Variants in HPS5 observed in about 807,000 individuals in gnomAD.
The protein encoded by HPS5 is BLOC-2 complex member HPS5.
In HPS5, 83 loss-of-function variants were observed where a neutral mutation model predicts 128.0. That is an observed-to-expected ratio of 0.65 (90% confidence interval 0.54 to 0.78). HPS5 has a LOEUF of 0.78. Among genes scored for constraint, HPS5 ranks in the 30% least tolerant of loss-of-function variants. The pLI is 0.00. For missense variants in HPS5, 1,281 were observed against 1,326.2 expected, an observed-to-expected ratio of 0.97 and a Z score of 0.53; for synonymous variants, 475 against 470.2, an observed-to-expected ratio of 1.01 and a Z score of -0.13.
intron 15 of HPS5, 103 bp downstream of exon 15, chr11:18,292,794 CTA>C (rs1251966679): frequency 2.3e-6 from 2 of 872,090 alleles, no homozygotes; most frequent in African/African-American, 1.7e-5. Flanking sequence ...CTCTAATCAA[CTA>C]TATATTTCAT....
At chr11:18,290,742 G>C (rs967516552) in intron 16 of HPS5, among the ~76,000 whole-genome samples, 1 of 152,084 alleles carries the variant, frequency 6.6e-6, no homozygotes, top group Non-Finnish European at 1.5e-5. Flanking sequence ...GGGCAACACA[G>C]TAAGACCCCA....
intron 2 of HPS5, 106 bp downstream of exon 2, chr11:18,317,645 G>T: frequency 9.2e-7 from 1 of 1,085,474 alleles, no homozygotes; most frequent in East Asian, 2.5e-5. Flanking sequence ...GACTAGGACA[G>T]GTAAGAACAC....
rs569898655 is a variant in HPS5 at position 18,294,955 on chromosome 11, T to C, written c.1784+65A>G. The C allele has an allele frequency of 5.5e-5, 87 of 1,588,152 alleles. No homozygotes were observed. In the East Asian group the frequency reaches 1.7e-3, roughly 32 times the overall value. Reference sequence around the variant, plus strand: ...CCACAGGCTGCACAAGGTTGGTCTATGGCTTTCTTAAAACTGACAGCTGGA... The same window carrying C: ...CCACAGGCTGCACAAGGTTGGTCTACGGCTTTCTTAAAACTGACAGCTGGA... On this transcript the variant is annotated intron_variant, in intron 14 of 22. Coordinates refer to ENST00000349215, the MANE Select transcript of HPS5 (RefSeq NM_181507.2).
At position 18,296,856 on chromosome 11, in the gene HPS5, G is replaced by A. The variant is rs772722230; in HGVS notation, c.1452C>T (p.Phe484=). ...TLSEDERFKE[F]TSQQEEDLPD... is the part of the protein sequence containing the mutation. ...GCAGGTCCTCTTCCTGCTGTGAGGT[G>A]AATTCTTTAAATCTCTCATCTTCTG... Residue 484 remains phenylalanine (F), a synonymous_variant, in exon 12 of 23, where the codon TTC becomes TTT. Coordinates refer to ENST00000349215, the MANE Select transcript of HPS5 (RefSeq NM_181507.2). 1.1e-5 allele frequency: 17 copies of A among 1,613,934 alleles called. No individual in the cohort carries two copies. The highest frequency in any genetic ancestry group is 1.6e-4 in the Middle Eastern group (1 of 6,084).
intron 10 of HPS5, among the ~76,000 whole-genome samples, chr11:18,298,266 C>T (rs112971571): frequency 0.027 from 4,113 of 151,788 alleles, 86 homozygotes; most frequent in African/African-American, 0.054. Context: ...CCAAAGTGGG[C>T]GGATCACTTG....
chr11:18,313,427 A>G (rs1863229905), intron 2 of HPS5, among the ~76,000 whole-genome samples: 1 of 152,234 alleles, frequency 6.6e-6, no homozygotes, highest in Non-Finnish European at 1.5e-5. Flanking sequence ...TGTATAGCCA[A>G]TCAATAGTTT....
intron 19 of HPS5, 147 bp from the exon 20 acceptor site, chr11:18,285,606 A>C: frequency 1.6e-6 from 1 of 638,492 alleles, no homozygotes; most frequent in South Asian, 1.9e-5. Flanking sequence ...AAAACTTAAA[A>C]ATAGCTATTT....
At chr11:18,298,695 A>G in intron 10 of HPS5, 97 bp downstream of exon 10, 1 of 1,165,738 alleles carries the variant, frequency 8.6e-7, no homozygotes, top group Non-Finnish European at 1.3e-6. Context: ...TCACACAGAC[A>G]GGGTTAATAA....
intron 16 of HPS5, among the ~76,000 whole-genome samples, chr11:18,288,510 C>A (rs1017662319): frequency 2.6e-5 from 4 of 150,998 alleles, no homozygotes; most frequent in African/African-American, 9.8e-5. Context: ...CTCTGAAGAA[C>A]AGAAGATTTG....
In HPS5 at chr11:18,281,253, GCAT is replaced by G. The variant is rs1564921710; in HGVS notation, c.3329+694_3329+696del. Among the ~76,000 whole-genome samples the G allele has an allele frequency of 5.4e-5, 7 of 128,682 alleles. 1 individual carries two copies. The highest frequency in any genetic ancestry group is 9.9e-5 in the Non-Finnish European group (6 of 60,454). The allele number at this position is 128,682 out of a possible 152,430, so 84.4% of individuals were successfully genotyped here. A position where few individuals can be genotyped will look rare whatever the true frequency, so the allele number is the denominator to read the frequency against. The stretch of plus-strand genomic sequence containing the variant: ...GCCACCATGTCCAGTTAATTTTTTT[GCAT>G]TTTTTTTTTTTTTTTTTAGTAGAGA... On this transcript the variant is annotated intron_variant, in intron 22 of 22. Transcript: ENST00000349215.
chr11:18,317,621 C>T, intron 2 of HPS5, 130 bp downstream of exon 2: 1 of 851,524 alleles, frequency 1.2e-6, no homozygotes, highest in Non-Finnish European at 1.9e-6. Context: ...CTTTTTTTTC[C>T]CCCACAAAAG....
chr11:18,286,052 T>G (rs1437510026), intron 19 of HPS5, among the ~76,000 whole-genome samples: 1 of 152,260 alleles, frequency 6.6e-6, no homozygotes, highest in African/African-American at 2.4e-5. Flanking sequence ...TTTGCATGAC[T>G]GCATTTTTCT....
At chr11:18,301,293 T>A (rs1861666315) in intron 8 of HPS5, among the ~76,000 whole-genome samples, 1 of 151,448 alleles carries the variant, frequency 6.6e-6, no homozygotes, top group Admixed American at 6.6e-5. Flanking sequence ...CTGTCTCTAT[T>A]AAAAATAGAA....
chr11:18,292,141 C>T, intron 15 of HPS5, 122 bp from the exon 16 acceptor site: 1 of 715,774 alleles, frequency 1.4e-6, no homozygotes, highest in South Asian at 1.6e-5. Context: ...CGTTACTTTT[C>T]AACTCTTTAA....
At position 18,287,989 on chromosome 11, in the gene HPS5, T is replaced by C; in HGVS notation, c.2465A>G (p.Tyr822Cys). 2 of 1,613,846 alleles carry C rather than the reference T, an allele frequency of 1.2e-6. No individual in the cohort carries two copies. The highest frequency in any genetic ancestry group is 1.7e-6 in the Non-Finnish European group (2 of 1,179,850). ...TAGATCTCCTTTTTCCATCTCCATA[T>C]ACACAGGATTGGAACTTGCCATTTC... Reference protein sequence around the residue: ...LKEMASSNPVYMEMEKGDLPT... With the variant: ...LKEMASSNPVCMEMEKGDLPT... Residue 822 changes from tyrosine (Y) to cysteine (C), a missense_variant, in exon 17 of 23, where the codon TAT becomes TGT. Coordinates refer to ENST00000349215, the MANE Select transcript of HPS5 (RefSeq NM_181507.2).
intron 8 of HPS5, among the ~76,000 whole-genome samples, chr11:18,302,271 G>A (rs760902667): frequency 4.0e-5 from 6 of 151,672 alleles, no homozygotes; most frequent in Non-Finnish European, 8.8e-5. Flanking sequence ...TTCTCTCAAG[G>A]CTGCTACTAT....
At position 18,310,373 on chromosome 11, in the gene HPS5, G is replaced by A. The variant is rs931609161; in HGVS notation, c.477+368C>T. Among the ~76,000 whole-genome samples, 5 of 152,152 alleles carry A rather than the reference G, an allele frequency of 3.3e-5. No individual in the cohort carries two copies. In the South Asian group the frequency reaches 1.0e-3, roughly 31 times the overall value. ...AAGAAGCAGAGAAGACCAGAAGCCT[G>A]GGCAATTGGTGTCATTTCTATGTTT... On this transcript the variant is annotated intron_variant, in intron 5 of 22. Transcript: ENST00000349215.
At position 18,279,638 on chromosome 11, in the gene HPS5, CTT is replaced by C. The variant is rs1400404798; in HGVS notation, c.*242_*243del. On this transcript the variant is annotated 3_prime_UTR_variant, in exon 23 of 23. Transcript: ENST00000349215. ...TAATTCCAGCAAACAAGGACTGACTCTTTTCAAAATTCAACTTTGGTTAAGAA... is the reference window on the plus strand; with the variant it reads ...TAATTCCAGCAAACAAGGACTGACTCTTCAAAATTCAACTTTGGTTAAGAA... 1 of 553,094 alleles carries C rather than the reference CTT, an allele frequency of 1.8e-6. No individual in the cohort carries two copies. Among genetic ancestry groups the C allele is most frequent in the Non-Finnish European group, 3.2e-6 (1 of 309,072 alleles). 34.3% of individuals were successfully genotyped at this position (553,094 alleles called of 1,614,324 possible). A position where few individuals can be genotyped will look rare whatever the true frequency, so the allele number is the denominator to read the frequency against.
intron 16 of HPS5, among the ~76,000 whole-genome samples, chr11:18,288,259 A>G (rs1267899893): frequency 6.6e-6 from 1 of 152,204 alleles, no homozygotes; most frequent in African/African-American, 2.4e-5. Context: ...AGACGAAGGA[A>G]CATATAATTA....
Sources: allele counts gnomAD v4.1 joint callset (sites outside exome capture counted in the v4.1 genomes callset), GRCh38; gene constraint gnomAD v4.1.1; transcripts MANE v1.5; gene names NCBI Gene and HGNC (gene_info 2026-07-23, HGNC 2026-07-21).